PTPRC: variants seen among roughly 807,000 people sequenced by gnomAD.
PTPRC encodes receptor-type tyrosine-protein phosphatase C.
In PTPRC, 44 loss-of-function variants were observed where a neutral mutation model predicts 155.9. The ratio of observed to expected loss-of-function variants is 0.28; its 90% CI spans 0.22 to 0.36. The LOEUF is 0.36. Ranked by LOEUF, PTPRC falls within the 10% of genes least tolerant of loss-of-function variation. The pLI is 1.00. For missense variants in PTPRC, 1,401 were observed against 1,564.6 expected, an observed-to-expected ratio of 0.90 and a Z score of 1.76; for synonymous variants, 525 against 533.1, an observed-to-expected ratio of 0.98 and a Z score of 0.21.
chr1:198,639,366 T>C, intron 2 of PTPRC, 25 bp downstream of exon 2: 1 of 1,521,802 alleles, frequency 6.6e-7, no homozygotes, highest in Non-Finnish European at 9.0e-7. Context: ...ATTAATATTT[T>C]TTAAATTATT....
intron 4 of PTPRC, 112 bp from the exon 5 acceptor site, chr1:198,699,452 T>TA: frequency 2.4e-6 from 3 of 1,269,548 alleles, no homozygotes; most frequent in Non-Finnish European, 3.4e-6. Context: ...CAGATTCAGT[T>TA]ACTTCACAGT....
rs1252263810 is a variant in PTPRC at position 198,734,250 on chromosome 1, C to A, written c.2179+18C>A. The A allele has an allele frequency of 6.2e-7, 1 of 1,610,244 alleles. No homozygotes were observed. On this transcript the variant is annotated intron_variant, in intron 21 of 32. Transcript: ENST00000442510. Reference sequence around the variant, plus strand: ...TGCACAAGGTAATTTCTTTGATAATCCAATATTCTTTTTGAAAAATTTTTA... The same window carrying A: ...TGCACAAGGTAATTTCTTTGATAATACAATATTCTTTTTGAAAAATTTTTA...
chr1:198,658,982 G>T (rs554635771), intron 2 of PTPRC, among the ~76,000 whole-genome samples: 3 of 152,042 alleles, frequency 2.0e-5, no homozygotes, highest in African/African-American at 4.8e-5. Flanking sequence ...TTTCTGTGGC[G>T]TTCTGCTAAG....
intron 23 of PTPRC, among the ~76,000 whole-genome samples, chr1:198,739,587 T>A (rs1450653092): frequency 6.6e-6 from 1 of 151,700 alleles, no homozygotes; most frequent in African/African-American, 2.4e-5. Flanking sequence ...AAAGCAAATA[T>A]TGTTAGAGCT....
At chr1:198,742,720 T>A (rs1654960906) in intron 25 of PTPRC, among the ~76,000 whole-genome samples, 1 of 151,854 alleles carries the variant, frequency 6.6e-6, no homozygotes, top group Admixed American at 6.6e-5. Context: ...CAACAGCTGG[T>A]TTTAGAAACT....
At chr1:198,674,824 C>T (rs1664853944) in intron 2 of PTPRC, among the ~76,000 whole-genome samples, 1 of 152,080 alleles carries the variant, frequency 6.6e-6, no homozygotes, top group South Asian at 2.1e-4. Context: ...TTGGCTTCCT[C>T]TAATATTAAC....
At chr1:198,724,594 T>C (rs564551203) in intron 15 of PTPRC, among the ~76,000 whole-genome samples, 44 of 152,284 alleles carry the variant, frequency 2.9e-4, no homozygotes, top group Middle Eastern at 3.4e-3. Flanking sequence ...GGTATAAAAT[T>C]CTAAGTTAAA....
chr1:198,642,961 T>TTTCTTTCTTTCTTTCG (rs1662712696), intron 2 of PTPRC, among the ~76,000 whole-genome samples: 1 of 148,514 alleles, frequency 6.7e-6, no homozygotes, highest in African/African-American at 2.5e-5. Flanking sequence ...TCTTTCTTTC[T>TTTCTTTCTTTCTTTCG]TTCTTTCTTT....
chr1:198,694,049 A>G (rs1666070506), intron 3 of PTPRC: 11 of 1,549,162 alleles, frequency 7.1e-6, no homozygotes, highest in Non-Finnish European at 9.6e-6. Context: ...AAGGAAGCCA[A>G]TCCAAGTCAC....
intron 3 of PTPRC, among the ~76,000 whole-genome samples, chr1:198,695,999 A>C (rs1049241952): frequency 1.3e-5 from 2 of 151,922 alleles, no homozygotes; most frequent in African/African-American, 4.8e-5. Context: ...ATCTCTACTA[A>C]AAGTACAAAA....
At chr1:198,676,633 AGTGG>A (rs1664970059) in intron 2 of PTPRC, among the ~76,000 whole-genome samples, 2 of 152,078 alleles carry the variant, frequency 1.3e-5, no homozygotes, top group African/African-American at 2.4e-5. Flanking sequence ...ACTTCTTGAG[AGTGG>A]GTATCTTTAT....
At position 198,756,429 on chromosome 1, in the gene PTPRC, T is replaced by TATG. The variant is rs1294712428; in HGVS notation, c.*249_*251dup. On this transcript the variant is annotated 3_prime_UTR_variant, in exon 33 of 33. Coordinates refer to ENST00000442510, the MANE Select transcript of PTPRC (RefSeq NM_002838.5). ...TAAAAAACAACTTCTTTGTAATCGT[T>TATG]ATGTGTGTATATGTATGTGTGTATG... 5.9e-6 allele frequency: 3 copies of TATG among 505,398 alleles called. No homozygotes were observed. The highest frequency in any genetic ancestry group is 1.1e-5 in the Non-Finnish European group (3 of 281,542). 31.3% of individuals were successfully genotyped at this position (505,398 alleles called of 1,614,324 possible). A position where few individuals can be genotyped will look rare whatever the true frequency, so the allele number is the denominator to read the frequency against.
In PTPRC at chr1:198,639,325, A is replaced by C. The variant is rs199852332; in HGVS notation, c.57A>C (p.Thr19=). 22 of 1,612,382 alleles carry C rather than the reference A, an allele frequency of 1.4e-5. No individual in the cohort carries two copies. In the East Asian group the frequency reaches 4.7e-4, roughly 34 times the overall value. ...CATTTGGCTTTGCCTTTCTGGACAC[A>C]GAAGTATTTGTGACAGGTAAGTACA... ...LLAFGFAFLD[T]EVFVTGQSPT... The change falls in exon 2 of 33, where the codon ACA becomes ACC. Residue 19 remains threonine (T), a synonymous_variant. Coordinates refer to ENST00000442510, the MANE Select transcript of PTPRC (RefSeq NM_002838.5).
intron 2 of PTPRC, among the ~76,000 whole-genome samples, chr1:198,652,222 A>C (rs1398283670): frequency 6.6e-6 from 1 of 151,782 alleles, no homozygotes; most frequent in African/African-American, 2.4e-5. Flanking sequence ...TTTCATGTAG[A>C]TATAAAGCCG....
chr1:198,701,523 A>G (rs1053453869), intron 5 of PTPRC, among the ~76,000 whole-genome samples: 3 of 152,238 alleles, frequency 2.0e-5, no homozygotes, highest in Admixed American at 6.5e-5. Context: ...GTCATCTAGT[A>G]GGAACCAAAT....
At chr1:198,688,161 C>T (rs1244590626) in intron 2 of PTPRC, among the ~76,000 whole-genome samples, 1 of 151,808 alleles carries the variant, frequency 6.6e-6, no homozygotes, top group African/African-American at 2.4e-5. Context: ...ACATAGATTA[C>T]AATGTTTTAG....
chr1:198,651,681 A>G (rs1663260390), intron 2 of PTPRC, among the ~76,000 whole-genome samples: 1 of 152,018 alleles, frequency 6.6e-6, no homozygotes, highest in African/African-American at 2.4e-5. Context: ...ATGTCATTGT[A>G]TAGTCTAGCT....
In PTPRC at chr1:198,709,757, C is replaced by G; in HGVS notation, c.1104C>G (p.Asp368Glu). 1 of 1,611,578 alleles carries G rather than the reference C, an allele frequency of 6.2e-7. No homozygotes were observed. The highest frequency in any genetic ancestry group is 8.5e-7 in the Non-Finnish European group (1 of 1,178,904). Reference sequence around the variant, plus strand: ...AACCCGAACATGAGTATAAGTGTGACTCAGAAATACTCTATAATAACCACA... The same window carrying G: ...AACCCGAACATGAGTATAAGTGTGAGTCAGAAATACTCTATAATAACCACA... ...NLEPEHEYKC[D>E]SEILYNNHKF... is the part of the protein sequence containing the mutation. Residue 368 changes from aspartate (D) to glutamate (E), a missense_variant, in exon 11 of 33, where the codon GAC becomes GAG. Asp to Glu is a conservative substitution (Grantham distance 45). Transcript: ENST00000442510.
intron 10 of PTPRC, 88 bp downstream of exon 10, chr1:198,708,349 T>C: frequency 7.7e-7 from 1 of 1,294,180 alleles, no homozygotes; most frequent in Non-Finnish European, 1.1e-6. Context: ...GCCCTTTCTC[T>C]CTTCCTCCCT....
Sources: gnomAD v4.1 joint callset for allele counts (sites outside exome capture counted in the v4.1 genomes callset) on GRCh38, gnomAD v4.1.1 for gene constraint, MANE v1.5 for transcripts, NCBI Gene and HGNC (gene_info 2026-07-23, HGNC 2026-07-21) for gene names.